The following RNF220 variants were observed in gnomAD, a reference collection of about 807,000 sequenced individuals.
RNF220 encodes ring finger protein 220.
In RNF220, 7 loss-of-function variants were observed where a neutral mutation model predicts 67.1. The ratio of observed to expected loss-of-function variants is 0.10; its 90% CI spans 0.06 to 0.20. RNF220 has a LOEUF of 0.20. Ranked by LOEUF, RNF220 falls within the 10% of genes least tolerant of loss-of-function variation. The pLI is 1.00. For synonymous variants in RNF220, 270 were observed against 283.2 expected (o/e 0.95, Z 0.47); for missense variants, 565 against 740.3 (o/e 0.76, Z 2.75).
At chr1:44,432,333 C>T (rs565513024) in intron 2 of RNF220, among the ~76,000 whole-genome samples, 24 of 143,374 alleles carry the variant, frequency 1.7e-4, no homozygotes, top group African/African-American at 5.2e-4. Flanking sequence ...TGCAATGGCG[C>T]GATCTCGGCT....
intron 2 of RNF220, among the ~76,000 whole-genome samples, chr1:44,557,952 A>G (rs1663251148): frequency 6.6e-6 from 1 of 152,206 alleles, no homozygotes; most frequent in Non-Finnish European, 1.5e-5. Flanking sequence ...GGTGGGACAG[A>G]GTGCCACGGC....
chr1:44,459,151 ATTTCTGACTTTTAC>A (rs1241308114), intron 2 of RNF220, among the ~76,000 whole-genome samples: 3 of 152,102 alleles, frequency 2.0e-5, no homozygotes, highest in Non-Finnish European at 4.4e-5. Context: ...AGTTCAATAA[ATTTCTGACTTTTAC>A]CATGGTGATT....
chr1:44,590,465 A>T (rs1471227798), intron 2 of RNF220, among the ~76,000 whole-genome samples: 1 of 152,186 alleles, frequency 6.6e-6, no homozygotes, highest in Non-Finnish European at 1.5e-5. Context: ...ATGCTTCCTC[A>T]GAGCTCTCAT....
chr1:44,434,704 G>A (rs879411000), intron 2 of RNF220, among the ~76,000 whole-genome samples: 6 of 134,620 alleles, frequency 4.5e-5, no homozygotes, highest in African/African-American at 1.6e-4. Flanking sequence ...GCGACAGAGC[G>A]AGACTCTCTT....
intron 2 of RNF220, among the ~76,000 whole-genome samples, chr1:44,542,555 C>T (rs899717819): frequency 6.6e-6 from 1 of 152,202 alleles, no homozygotes; most frequent in Non-Finnish European, 1.5e-5. Context: ...CCCTCCACAG[C>T]GTGTCCCCAG....
At chr1:44,426,726 CAA>C (rs33975687) in intron 2 of RNF220, among the ~76,000 whole-genome samples, 369 of 112,308 alleles carry the variant, frequency 3.3e-3, no homozygotes, top group Middle Eastern at 0.014. Flanking sequence ...GACTCTGTCT[CAA>C]AAAAAAAAAA....
At chr1:44,469,234 C>T (rs1232893351) in intron 2 of RNF220, among the ~76,000 whole-genome samples, 2 of 152,068 alleles carry the variant, frequency 1.3e-5, no homozygotes, top group Non-Finnish European at 2.9e-5. Flanking sequence ...GAATAAATAA[C>T]CAATTATTAA....
intron 2 of RNF220, among the ~76,000 whole-genome samples, chr1:44,489,337 T>G (rs1450803896): frequency 2.0e-5 from 3 of 152,226 alleles, no homozygotes; most frequent in Non-Finnish European, 4.4e-5. Flanking sequence ...TAATACACAT[T>G]TCCGTATAAC....
chr1:44,484,927 A>G (rs1340706732), intron 2 of RNF220, among the ~76,000 whole-genome samples: 4 of 152,178 alleles, frequency 2.6e-5, no homozygotes, highest in Non-Finnish European at 4.4e-5. Context: ...GTGGATCACA[A>G]GGTCAGGAGA....
At chr1:44,632,142 G>C in intron 5 of RNF220, 1 of 1,536,362 alleles carries the variant, frequency 6.5e-7, no homozygotes, top group South Asian at 1.2e-5. Flanking sequence ...CGTTAGAGCA[G>C]CGCCCGGCGG....
chr1:44,447,405 A>G lies in RNF220; in HGVS notation c.625+34683A>G, dbSNP rs543568253. Among the ~76,000 whole-genome samples the G allele has an allele frequency of 2.0e-3, 311 of 152,304 alleles. 3 individuals are homozygous for G. The highest frequency in any genetic ancestry group is 7.2e-3 in the African/African-American group (301 of 41,556). ...TACCCCCTAAATATCTTTCAAATCT[A>G]TATACATATCTCTGTTCTCCCCGCT... is the stretch of plus-strand genomic sequence containing the variant. On this transcript the variant is annotated intron_variant, in intron 2 of 14. Transcript: ENST00000361799.
intron 2 of RNF220, among the ~76,000 whole-genome samples, chr1:44,465,514 C>T (rs1654198355): frequency 1.3e-5 from 2 of 151,704 alleles, no homozygotes; most frequent in African/African-American, 2.4e-5. Context: ...AGGTGATCCT[C>T]CTGCCTCAGC....
intron 2 of RNF220, among the ~76,000 whole-genome samples, chr1:44,478,494 G>A (rs1655490769): frequency 6.6e-6 from 1 of 152,074 alleles, no homozygotes; most frequent in Admixed American, 6.6e-5. Context: ...GGCCAAGGTG[G>A]GTGGATCACC....
intron 2 of RNF220, among the ~76,000 whole-genome samples, chr1:44,472,547 A>C (rs1156804166): frequency 6.6e-6 from 1 of 152,106 alleles, no homozygotes; most frequent in Non-Finnish European, 1.5e-5. Context: ...TTGAATGTAG[A>C]GTCTTTTTGA....
At chr1:44,570,418 G>C (rs1049414466) in intron 2 of RNF220, among the ~76,000 whole-genome samples, 1 of 152,124 alleles carries the variant, frequency 6.6e-6, no homozygotes, top group African/African-American at 2.4e-5. Flanking sequence ...CTGTTTGTCC[G>C]TTCCATTTGG....
At chr1:44,546,642 C>A (rs1218897102) in intron 2 of RNF220, among the ~76,000 whole-genome samples, 1 of 152,190 alleles carries the variant, frequency 6.6e-6, no homozygotes, top group African/African-American at 2.4e-5. Flanking sequence ...CATGTTACCC[C>A]GAGATGGAGT....
intron 2 of RNF220, among the ~76,000 whole-genome samples, chr1:44,516,414 G>C (rs187346910): frequency 6.6e-6 from 1 of 152,184 alleles, no homozygotes; most frequent in Non-Finnish European, 1.5e-5. Flanking sequence ...AGTTTGCTAC[G>C]CAGCCAAAGA....
intron 2 of RNF220, among the ~76,000 whole-genome samples, chr1:44,478,765 C>T (rs1160180482): frequency 6.6e-6 from 1 of 152,072 alleles, no homozygotes; most frequent in African/African-American, 2.4e-5. Flanking sequence ...AATCGCCAGT[C>T]CATAGCAGTT....
intron 2 of RNF220, among the ~76,000 whole-genome samples, chr1:44,470,357 G>T (rs557463474): frequency 3.3e-5 from 5 of 152,336 alleles, no homozygotes; most frequent in Admixed American, 3.3e-4. Context: ...GAACATGCCA[G>T]CTTTGAGATG....
Sources: gnomAD v4.1 joint callset for allele counts (sites outside exome capture counted in the v4.1 genomes callset) on GRCh38, gnomAD v4.1.1 for gene constraint, MANE v1.5 for transcripts, NCBI Gene and HGNC (gene_info 2026-07-23, HGNC 2026-07-21) for gene names.